LRRC3B: variants seen among roughly 807,000 people sequenced by gnomAD.
The protein encoded by LRRC3B is leucine rich repeat containing 3B.
LRRC3B carries 2 observed loss-of-function variants against 12.8 expected under a neutral mutation model. The observed-to-expected ratio is 0.16, with a 90% CI of 0.06 to 0.49. The LOEUF (loss-of-function observed/expected upper bound fraction) is 0.49, where lower values mean the gene tolerates loss of function less well. Ranked by LOEUF, LRRC3B falls within the 20% of genes least tolerant of loss-of-function variation. The probability of loss-of-function intolerance (pLI) is 0.96; values close to 1 mark genes in which losing one functional copy is unlikely to be tolerated. For synonymous variants in LRRC3B, 132 were observed against 122.0 expected, an observed-to-expected ratio of 1.08 and a Z score of -0.54; for missense variants, 189 against 319.4, an observed-to-expected ratio of 0.59 and a Z score of 3.11.
At chr3:26,662,818 C>T (rs1213016387) in intron 1 of LRRC3B, among the ~76,000 whole-genome samples, 3 of 152,068 alleles carry the variant, frequency 2.0e-5, no homozygotes, top group African/African-American at 7.2e-5. Flanking sequence ...ATGATAAGGC[C>T]AATAGACATT....
At chr3:26,651,252 G>C (rs78022972) in intron 1 of LRRC3B, among the ~76,000 whole-genome samples, 1 of 152,224 alleles carries the variant, frequency 6.6e-6, no homozygotes, top group East Asian at 1.9e-4. Context: ...CAATTTTCTG[G>C]GAGGTCATCA....
intron 1 of LRRC3B, among the ~76,000 whole-genome samples, chr3:26,678,791 A>G (rs928281735): frequency 1.3e-5 from 2 of 152,214 alleles, no homozygotes; most frequent in Admixed American, 1.3e-4. Flanking sequence ...CAAAAGCCTT[A>G]GAGAATAAAG....
At chr3:26,644,463 A>G (rs1699100244) in intron 1 of LRRC3B, among the ~76,000 whole-genome samples, 1 of 152,196 alleles carries the variant, frequency 6.6e-6, no homozygotes, top group African/African-American at 2.4e-5. Context: ...ACCTGGATAC[A>G]ATTAGGGGGA....
chr3:26,653,355 T>A (rs1699304941), intron 1 of LRRC3B, among the ~76,000 whole-genome samples: 1 of 152,188 alleles, frequency 6.6e-6, no homozygotes, highest in African/African-American at 2.4e-5. Flanking sequence ...CTGTCATTTT[T>A]TTTACAGACA....
exon 2 of LRRC3B, chr3:26,710,485 A>C: frequency 6.6e-7 from 1 of 1,520,634 alleles, no homozygotes; most frequent in Non-Finnish European, 8.8e-7. Flanking sequence ...GAAAGAAAGA[A>C]AGTAGTTTGC....
chr3:26,698,907 G>T (rs1700384210), intron 1 of LRRC3B, among the ~76,000 whole-genome samples: 1 of 151,968 alleles, frequency 6.6e-6, no homozygotes. Flanking sequence ...ATTTCCCCCA[G>T]TTGTTCCAAT....
chr3:26,677,416 G>A (rs1353675491), intron 1 of LRRC3B, among the ~76,000 whole-genome samples: 1 of 152,192 alleles, frequency 6.6e-6, no homozygotes, highest in African/African-American at 2.4e-5. Context: ...CAGGAGGCAG[G>A]TGTTCATTTG....
chr3:26,697,897 T>C (rs1308658417), intron 1 of LRRC3B, among the ~76,000 whole-genome samples: 1 of 152,210 alleles, frequency 6.6e-6, no homozygotes, highest in Non-Finnish European at 1.5e-5. Flanking sequence ...AATTATGCTC[T>C]TCATACTCTT....
chr3:26,637,289 A>G (rs1024511893), intron 1 of LRRC3B, among the ~76,000 whole-genome samples: 6 of 152,134 alleles, frequency 3.9e-5, no homozygotes, highest in Non-Finnish European at 5.9e-5. Flanking sequence ...TTCACTTTTC[A>G]TATTGAAGAA....
intron 1 of LRRC3B, among the ~76,000 whole-genome samples, chr3:26,660,724 A>G (rs1292604604): frequency 6.6e-6 from 1 of 152,306 alleles, no homozygotes; most frequent in Non-Finnish European, 1.5e-5. Context: ...ATGTAAAAAA[A>G]ATCAAGACAC....
intron 1 of LRRC3B, among the ~76,000 whole-genome samples, chr3:26,706,751 G>C (rs1386112633): frequency 6.6e-6 from 1 of 152,210 alleles, no homozygotes; most frequent in Non-Finnish European, 1.5e-5. Flanking sequence ...TGCTGAGGAA[G>C]AGTTCCATTC....
At chr3:26,639,775 C>G (rs571481345) in intron 1 of LRRC3B, among the ~76,000 whole-genome samples, 4 of 152,158 alleles carry the variant, frequency 2.6e-5, no homozygotes. Context: ...TTTCTATGAA[C>G]CACTTTGTTT....
intron 1 of LRRC3B, among the ~76,000 whole-genome samples, chr3:26,671,373 T>TATATATATATAGAGAGAGAGAGAGAG (rs1261897533): frequency 7.1e-5 from 2 of 28,244 alleles, no homozygotes; most frequent in African/African-American, 1.5e-4. Flanking sequence ...TATATATATA[T>TATATATATATAGAGAGAGAGAGAGAG]AGAGAGAGAG....
Position 26,708,581 on chromosome 3 carries a change from C to T in LRRC3B, c.-160-932C>T, listed in dbSNP as rs914445730. Among the ~76,000 whole-genome samples, 3 of 152,108 alleles carry T rather than the reference C, an allele frequency of 2.0e-5. No individual in the cohort carries two copies. The East Asian group carries it at 5.8e-4, about 29-fold the overall frequency. ...GTCCCAAAGATGTGTGCTTTCTTCT[C>T]TATATTAAAGGGTAATTTTGAGAGT... On this transcript the variant is annotated intron_variant, in intron 1 of 1. Transcript: ENST00000396641.
At chr3:26,683,514 T>G (rs2125443143) in intron 1 of LRRC3B, among the ~76,000 whole-genome samples, 1 of 152,060 alleles carries the variant, frequency 6.6e-6, no homozygotes, top group South Asian at 2.1e-4. Context: ...GAGGCAGAGG[T>G]TTATGGCAGG....
intron 1 of LRRC3B, among the ~76,000 whole-genome samples, chr3:26,659,533 AC>A (rs1699449949): frequency 1.3e-5 from 2 of 152,318 alleles, no homozygotes; most frequent in South Asian, 4.2e-4. Flanking sequence ...TTCAATGGAA[AC>A]TCATAAATAG....
At chr3:26,709,879 G>A in exon 2 of LRRC3B, 1 of 1,614,058 alleles carries the variant, frequency 6.2e-7, no homozygotes, top group Non-Finnish European at 8.5e-7. Flanking sequence ...CAGTCTTACT[G>A]TATCTGGACT....
chr3:26,696,532 G>C (rs1016606046), intron 1 of LRRC3B, among the ~76,000 whole-genome samples: 1 of 152,078 alleles, frequency 6.6e-6, no homozygotes, highest in Non-Finnish European at 1.5e-5. Context: ...TTGTAAGTGA[G>C]GTTACTACAT....
exon 2 of LRRC3B, chr3:26,710,506 G>A (rs754688643): frequency 3.4e-5 from 51 of 1,485,074 alleles, no homozygotes; most frequent in Non-Finnish European, 4.5e-5. Flanking sequence ...GATTGCAGTA[G>A]AAATAAGTGG....
Sources: gnomAD v4.1 joint callset for allele counts (sites outside exome capture counted in the v4.1 genomes callset) on GRCh38, gnomAD v4.1.1 for gene constraint, MANE v1.5 for transcripts, NCBI Gene and HGNC (gene_info 2026-07-23, HGNC 2026-07-21) for gene names.